Variants in FHOD3 observed in about 807,000 individuals in gnomAD.
The protein encoded by FHOD3 is formin homology 2 domain containing 3, also known as FH1/FH2 domain-containing protein 3.
FHOD3 carries 90 observed loss-of-function variants against 173.0 expected under a neutral mutation model. That is an observed-to-expected ratio of 0.52 (90% CI 0.44 to 0.62). The LOEUF is 0.62. FHOD3 is among the 20% of genes least tolerant of loss of function. The pLI is 0.00. For synonymous variants in FHOD3, 828 were observed against 823.0 expected (o/e 1.01, Z -0.10); for missense variants, 1,945 against 2,034.7 (o/e 0.96, Z 0.85).
At chr18:36,388,054 A>C (rs1250609219) in intron 3 of FHOD3, among the ~76,000 whole-genome samples, 1 of 152,190 alleles carries the variant, frequency 6.6e-6, no homozygotes, top group African/African-American at 2.4e-5. Flanking sequence ...AGAACTCTCT[A>C]TATAAACTTA....
chr18:36,324,738 A>G (rs2044579034), intron 1 of FHOD3, among the ~76,000 whole-genome samples: 1 of 152,246 alleles, frequency 6.6e-6, no homozygotes, highest in Non-Finnish European at 1.5e-5. Flanking sequence ...GCTGCGGAAC[A>G]AAAAGAACAC....
At chr18:36,592,606 G>T (rs2059260577) in intron 6 of FHOD3, among the ~76,000 whole-genome samples, 1 of 152,216 alleles carries the variant, frequency 6.6e-6, no homozygotes, top group African/African-American at 2.4e-5. Flanking sequence ...TGTTCACTCT[G>T]GCTGCGGTTT....
chr18:36,662,156 G>A (rs1023343704), intron 14 of FHOD3, among the ~76,000 whole-genome samples: 7 of 152,304 alleles, frequency 4.6e-5, no homozygotes, highest in African/African-American at 1.7e-4. Context: ...GGGAAAGGCC[G>A]GGCCCATCCT....
At chr18:36,619,623 C>T (rs1370522043) in intron 9 of FHOD3, among the ~76,000 whole-genome samples, 3 of 152,172 alleles carry the variant, frequency 2.0e-5, no homozygotes, top group Non-Finnish European at 4.4e-5. Flanking sequence ...TTACTTTGTT[C>T]ATTCCACAAA....
intron 1 of FHOD3, among the ~76,000 whole-genome samples, chr18:36,307,399 A>C (rs543386934): frequency 6.6e-6 from 1 of 152,318 alleles, no homozygotes; most frequent in Non-Finnish European, 1.5e-5. Context: ...AGGGTGGATA[A>C]GCCACAAGAA....
At chr18:36,432,799 TC>T (rs1156321670) in intron 3 of FHOD3, among the ~76,000 whole-genome samples, 1 of 152,250 alleles carries the variant, frequency 6.6e-6, no homozygotes, top group Non-Finnish European at 1.5e-5. Context: ...CTGCTCTTTA[TC>T]ATATGTTTGG....
At chr18:36,592,160 A>C (rs1487446931) in intron 6 of FHOD3, among the ~76,000 whole-genome samples, 1 of 152,212 alleles carries the variant, frequency 6.6e-6, no homozygotes, top group Non-Finnish European at 1.5e-5. Context: ...TGGAGGTTGC[A>C]GTGAGCTGAG....
intron 3 of FHOD3, among the ~76,000 whole-genome samples, chr18:36,384,921 C>CACCACCACCACA (rs1163941964): frequency 1.3e-5 from 2 of 152,108 alleles, no homozygotes; most frequent in Non-Finnish European, 2.9e-5. Context: ...CCACCACCAC[C>CACCACCACCACA]ACCACAAAGT....
At chr18:36,680,095 C>T (rs1317954323) in intron 14 of FHOD3, among the ~76,000 whole-genome samples, 1 of 152,164 alleles carries the variant, frequency 6.6e-6, no homozygotes, top group South Asian at 2.1e-4. Context: ...GATAAATAAA[C>T]TCTATCTATG....
chr18:36,748,629 TC>T (rs2042269781), intron 24 of FHOD3, among the ~76,000 whole-genome samples: 1 of 152,098 alleles, frequency 6.6e-6, no homozygotes, highest in African/African-American at 2.4e-5. Context: ...TGATGGCTGC[TC>T]CCGCCTCACC....
At chr18:36,454,090 C>T (rs914995321) in intron 3 of FHOD3, among the ~76,000 whole-genome samples, 3 of 152,146 alleles carry the variant, frequency 2.0e-5, no homozygotes, top group African/African-American at 7.2e-5. Flanking sequence ...GCATATGGAT[C>T]ATGAGAGCTC....
intron 13 of FHOD3, among the ~76,000 whole-genome samples, chr18:36,655,910 T>C (rs757877864): frequency 6.6e-5 from 10 of 152,256 alleles, no homozygotes; most frequent in Non-Finnish European, 1.3e-4. Flanking sequence ...CTGCTTGTTT[T>C]ATTTCCATAG....
chr18:36,473,263 A>G (rs2053383287), intron 3 of FHOD3, among the ~76,000 whole-genome samples: 1 of 152,134 alleles, frequency 6.6e-6, no homozygotes, highest in Admixed American at 6.5e-5. Context: ...AAAATACAAA[A>G]ATTAGCTGAG....
intron 10 of FHOD3, among the ~76,000 whole-genome samples, chr18:36,645,271 A>C (rs1719958948): frequency 6.6e-6 from 1 of 152,092 alleles, no homozygotes. Context: ...AAATACAAAA[A>C]TATTCATCCA....
chr18:36,677,440 T>C (rs1568591962), intron 14 of FHOD3, among the ~76,000 whole-genome samples: 1 of 152,196 alleles, frequency 6.6e-6, no homozygotes, highest in African/African-American at 2.4e-5. Flanking sequence ...TGAGCCACCA[T>C]GCCCAGCCTG....
In FHOD3 at chr18:36,357,610, C is replaced by T. The variant is rs936682318; in HGVS notation, c.272+1965C>T. ...GTATCTTAAGTCACACCAGATTCTA[C>T]TTATTGCTATTTTTAAAATTAACAC... On this transcript the variant is annotated intron_variant, in intron 2 of 28. Transcript: ENST00000590592. Among the ~76,000 whole-genome samples, 5 of 152,332 alleles carry T rather than the reference C, an allele frequency of 3.3e-5. No homozygotes were observed. The South Asian group carries it at 1.0e-3, about 32-fold the overall frequency.
intron 20 of FHOD3, among the ~76,000 whole-genome samples, chr18:36,731,121 C>T (rs185799848): frequency 1.9e-4 from 29 of 152,260 alleles, no homozygotes; most frequent in East Asian, 1.7e-3. Context: ...TTTTAAACCA[C>T]GTATGTTTAA....
At chr18:36,506,392 A>G (rs2055299683) in intron 4 of FHOD3, among the ~76,000 whole-genome samples, 1 of 152,254 alleles carries the variant, frequency 6.6e-6, no homozygotes, top group Non-Finnish European at 1.5e-5. Flanking sequence ...ACAGCTGTGC[A>G]TGCCTGGCAC....
chr18:36,525,268 C>A (rs1299666320), intron 5 of FHOD3, among the ~76,000 whole-genome samples: 1 of 152,118 alleles, frequency 6.6e-6, no homozygotes, highest in Non-Finnish European at 1.5e-5. Flanking sequence ...AGATGAATCC[C>A]TGAAAAGAAA....
Sources: gnomAD v4.1 joint callset for allele counts (sites outside exome capture counted in the v4.1 genomes callset) on GRCh38, gnomAD v4.1.1 for gene constraint, MANE v1.5 for transcripts, NCBI Gene and HGNC (gene_info 2026-07-23, HGNC 2026-07-21) for gene names.